The following PRDM6 variants were observed in gnomAD, a reference collection of about 807,000 sequenced individuals.
The protein encoded by PRDM6 is putative histone-lysine N-methyltransferase PRDM6.
In PRDM6, 25 loss-of-function variants were observed where a neutral mutation model predicts 60.8. That is an observed-to-expected ratio of 0.41 (90% confidence interval 0.30 to 0.57). The LOEUF (loss-of-function observed/expected upper bound fraction) is 0.57. PRDM6 is among the 20% of genes least tolerant of loss of function. The probability of loss-of-function intolerance (pLI) is 0.27; values close to 1 mark genes in which losing one functional copy is unlikely to be tolerated. For synonymous variants in PRDM6, 407 were observed against 357.4 expected, an observed-to-expected ratio of 1.14 and a Z score of -1.57; for missense variants, 839 against 821.3, an observed-to-expected ratio of 1.02 and a Z score of -0.26.
chr5:123,098,297 A>C (rs1365915640), intron 2 of PRDM6, among the ~76,000 whole-genome samples: 1 of 152,202 alleles, frequency 6.6e-6, no homozygotes, highest in Non-Finnish European at 1.5e-5. Context: ...GGGACTCGCC[A>C]GGTGTCAGGC....
rs1048123490 is a variant in PRDM6, at chr5:123,090,188, C to T, written c.174C>T (p.Pro58=). 1.3e-4 allele frequency: 186 copies of T among 1,487,260 alleles called. No individual in the cohort carries two copies. The highest frequency in any genetic ancestry group is 9.4e-4 in the Admixed American group (40 of 42,726). The allele number at this position is 1,487,260 out of a possible 1,614,324, so 92.1% of individuals were successfully genotyped here. The stretch of plus-strand genomic sequence containing the variant: ...TTCAGCCGCCGCCGCCGCCCCCGCC[C>T]CCGGAGCGCGCTGAGCCTCCGCCGG... ...QPLQPPPPPP[P]PERAEPPPDS... The change falls in exon 2 of 8, where the codon CCC becomes CCT. Residue 58 remains proline (P), a synonymous_variant. Coordinates refer to ENST00000407847, the MANE Select transcript of PRDM6 (RefSeq NM_001136239.4).
intron 3 of PRDM6, among the ~76,000 whole-genome samples, chr5:123,119,356 T>C (rs1764529003): frequency 6.6e-6 from 1 of 151,958 alleles, no homozygotes; most frequent in African/African-American, 2.4e-5. Context: ...GTGGGCAAAA[T>C]GATGACAGTT....
intron 3 of PRDM6, among the ~76,000 whole-genome samples, chr5:123,129,072 G>T (rs1764761552): frequency 6.6e-6 from 1 of 152,174 alleles, no homozygotes; most frequent in Admixed American, 6.5e-5. Context: ...TCAGATGGTT[G>T]TAGATGTGTA....
chr5:123,093,672 C>T (rs1388623418), intron 2 of PRDM6, among the ~76,000 whole-genome samples: 1 of 152,178 alleles, frequency 6.6e-6, no homozygotes, highest in Non-Finnish European at 1.5e-5. Flanking sequence ...TTACTGCCCT[C>T]ATTTGCTGCT....
intron 3 of PRDM6, among the ~76,000 whole-genome samples, chr5:123,137,213 G>A (rs1764979182): frequency 6.6e-6 from 1 of 152,180 alleles, no homozygotes; most frequent in Non-Finnish European, 1.5e-5. Flanking sequence ...GAGTAAACTG[G>A]AACATGAAAT....
At chr5:123,124,251 A>G (rs1764646324) in intron 3 of PRDM6, among the ~76,000 whole-genome samples, 1 of 152,180 alleles carries the variant, frequency 6.6e-6, no homozygotes, top group African/African-American at 2.4e-5. Flanking sequence ...GGTATTCTAA[A>G]TATTTATTTC....
intron 3 of PRDM6, among the ~76,000 whole-genome samples, chr5:123,124,684 C>T (rs1225769591): frequency 6.6e-6 from 1 of 152,162 alleles, no homozygotes; most frequent in African/African-American, 2.4e-5. Context: ...TTTGACAGCA[C>T]TGAAAACCCA....
chr5:123,162,040 A>G (rs143003868), intron 5 of PRDM6, among the ~76,000 whole-genome samples: 3 of 152,204 alleles, frequency 2.0e-5, no homozygotes, highest in African/African-American at 7.2e-5. Context: ...GACACATTAG[A>G]TGCTGAGTGA....
Position 123,170,778 on chromosome 5 carries a change from C to T in PRDM6, c.1166C>T (p.Ser389Leu). 1 of 1,549,910 alleles carries T rather than the reference C, an allele frequency of 6.5e-7. No individual in the cohort carries two copies. Among genetic ancestry groups the T allele is most frequent in the Non-Finnish European group, 8.7e-7 (1 of 1,145,802 alleles). ...GCTATTCTCCTAGTAAATGTCCCTT[C>T]AACGGTAATGGAAGCCATGTGCAGA... ...IAQDENLNVPSTVMEAMCRQD... is the reference protein window; with the variant it reads ...IAQDENLNVPLTVMEAMCRQD... The change falls in exon 6 of 8, where the codon TCA (serine) becomes TTA (leucine). Residue 389 changes from serine (S) to leucine (L), a missense_variant. Physicochemically the swap from Ser to Leu is moderately radical, Grantham distance 145. Around this residue, in one of 2 missense-constraint regions of PRDM6, gnomAD observed 730 missense variants for 648.8 expected, o/e 1.13. Coordinates refer to ENST00000407847, the MANE Select transcript of PRDM6 (RefSeq NM_001136239.4).
At chr5:123,104,498 C>T (rs969053121) in intron 3 of PRDM6, among the ~76,000 whole-genome samples, 4 of 151,848 alleles carry the variant, frequency 2.6e-5, no homozygotes, top group Non-Finnish European at 5.9e-5. Flanking sequence ...CTCATTTTGG[C>T]GTGATTCACC....
chr5:123,158,082 C>T (rs966374130), intron 4 of PRDM6, among the ~76,000 whole-genome samples: 8 of 152,222 alleles, frequency 5.3e-5, no homozygotes, highest in Non-Finnish European at 7.3e-5. Context: ...TTCCGCCTTT[C>T]GGCCTATTCG....
intron 3 of PRDM6, 105 bp from the exon 4 acceptor site, chr5:123,155,779 G>C (rs1359628926): frequency 5.7e-5 from 75 of 1,323,210 alleles, no homozygotes; most frequent in Middle Eastern, 2.0e-4. Flanking sequence ...GCAAACCTAA[G>C]GGCAATAAAT....
chr5:123,171,237 G>A (rs1561876804), intron 6 of PRDM6, 129 bp downstream of exon 6: 1 of 753,272 alleles, frequency 1.3e-6, no homozygotes, highest in Non-Finnish European at 2.1e-6. Context: ...TGGAAGGTCA[G>A]AGAGAAATGC....
chr5:123,121,486 G>A (rs974579522), intron 3 of PRDM6, among the ~76,000 whole-genome samples: 20 of 152,128 alleles, frequency 1.3e-4, no homozygotes, highest in Non-Finnish European at 2.8e-4. Flanking sequence ...GGGCTCAAGT[G>A]ATCCTCCCAC....
rs1256123166 is a variant in PRDM6, at chr5:123,159,768, A to C, written c.1153+130A>C. ...AAGTAACACAAACATATACAAGTCT[A>C]TTCCATCGTTTTCTTTTCCCTGCAT... is the stretch of plus-strand genomic sequence containing the variant. On this transcript the variant is annotated intron_variant, in intron 5 of 7. Coordinates refer to ENST00000407847, the MANE Select transcript of PRDM6 (RefSeq NM_001136239.4). 3.3e-6 allele frequency: 3 copies of C among 904,788 alleles called. No homozygotes were observed. The African/African-American group carries it at 5.1e-5, about 15-fold the overall frequency. The allele number at this position is 904,788 out of a possible 1,614,324, so 56.0% of individuals were successfully genotyped here.
At chr5:123,167,873 G>A (rs1046734934) in intron 5 of PRDM6, among the ~76,000 whole-genome samples, 1 of 152,134 alleles carries the variant, frequency 6.6e-6, no homozygotes, top group Non-Finnish European at 1.5e-5. Context: ...TTCTCACCAT[G>A]CATTACTTCC....
At chr5:123,163,177 G>T (rs1169307500) in intron 5 of PRDM6, among the ~76,000 whole-genome samples, 1 of 152,088 alleles carries the variant, frequency 6.6e-6, no homozygotes, top group East Asian at 1.9e-4. Context: ...TAAATACTGA[G>T]AATTTCTATT....
chr5:123,162,929 A>C, intron 5 of PRDM6, among the ~76,000 whole-genome samples: 1 of 152,248 alleles, frequency 6.6e-6, no homozygotes, highest in Non-Finnish European at 1.5e-5. Context: ...GAAAGCACAA[A>C]TGTGTAAAAG....
At position 123,090,474 on chromosome 5, in the gene PRDM6, G is replaced by A; in HGVS notation, c.460G>A (p.Gly154Ser). ...GPGPVKCGGG[G>S]GGGGEGRGAP... is the part of the protein sequence containing the mutation. ...CGGGCCCGTCAAGTGCGGTGGTGGT[G>A]GCGGCGGCGGCGGGGAGGGTCGCGG... The change falls in exon 2 of 8, where the codon GGC becomes AGC. Residue 154 changes from glycine to serine, a missense_variant. By Grantham distance (56) the Gly-to-Ser change is moderately conservative. Coordinates refer to ENST00000407847, the MANE Select transcript of PRDM6 (RefSeq NM_001136239.4). 1 of 1,476,256 alleles carries A rather than the reference G, an allele frequency of 6.8e-7. No individual in the cohort carries two copies. Among genetic ancestry groups the A allele is most frequent in the Non-Finnish European group, 8.9e-7 (1 of 1,121,804 alleles). The allele number at this position is 1,476,256 out of a possible 1,614,324, so 91.4% of individuals were successfully genotyped here.
Sources: gnomAD v4.1 joint callset for allele counts (sites outside exome capture counted in the v4.1 genomes callset) on GRCh38, gnomAD v4.1.1 for gene constraint, gnomAD v4.1.1 regional missense constraint, MANE v1.5 for transcripts, NCBI Gene and HGNC (gene_info 2026-07-23, HGNC 2026-07-21) for gene names.